The following OXNAD1 variants were observed in gnomAD, a reference collection of about 807,000 sequenced individuals.
OXNAD1 encodes oxidoreductase NAD binding domain containing 1.
Under a neutral mutation model 32.9 loss-of-function variants are expected in OXNAD1, and 34 were observed. The ratio of observed to expected loss-of-function variants is 1.03; its 90% CI spans 0.79 to 1.38. The LOEUF is 1.38. Among genes scored for constraint, OXNAD1 ranks in the 40% most tolerant of loss-of-function variants. OXNAD1 has a pLI of 0.00. For missense variants in OXNAD1, 407 were observed against 379.4 expected, an observed-to-expected ratio of 1.07 and a Z score of -0.60; for synonymous variants, 134 against 135.2, an observed-to-expected ratio of 0.99 and a Z score of 0.06.
chr3:16,305,811 C>T lies in OXNAD1; in HGVS notation c.*2249C>T, dbSNP rs1202356716. The stretch of plus-strand genomic sequence containing the variant: ...GATGATACTGCTGCCTACCTACCTA[C>T]ATGATAGGGCTGTTACGGGGATTGA... On this transcript the variant is annotated 3_prime_UTR_variant, in exon 9 of 9. Transcript: ENST00000285083. The surrounding 1 kb of genome is among the most constrained non-coding windows in gnomAD (Gnocchi z 4.5). The T allele has an allele frequency of 1.3e-5, 2 of 152,232 alleles. No homozygotes were observed. Among genetic ancestry groups the T allele is most frequent in the Non-Finnish European group, 2.9e-5 (2 of 68,038 alleles). 9.4% of individuals were successfully genotyped at this position (152,232 alleles called of 1,614,324 possible).
At chr3:16,300,013 G>T (rs2067066445) in intron 6 of OXNAD1, among the ~76,000 whole-genome samples, 1 of 152,154 alleles carries the variant, frequency 6.6e-6, no homozygotes, top group South Asian at 2.1e-4. Context: ...CATTTTCCAG[G>T]GGTGGCAGAT....
At position 16,317,093 on chromosome 3, in the gene OXNAD1, A is replaced by G. The variant is rs1276137723; in HGVS notation, c.*30+13501A>G. On this transcript the variant is annotated intron_variant, in intron 9 of 9. Transcript: ENST00000435829. The surrounding 1 kb of genome is among the most constrained non-coding windows in gnomAD (Gnocchi z 4.3). Reference sequence around the variant, plus strand: ...CTGCTGTCCTGAAACACAGTTTCCCATGTCTCCAGCTTTGGAAGACTGGTC... The same window carrying G: ...CTGCTGTCCTGAAACACAGTTTCCCGTGTCTCCAGCTTTGGAAGACTGGTC... 1.9e-6 allele frequency: 3 copies of G among 1,613,744 alleles called. No individual in the cohort carries two copies. In the African/African-American group the frequency reaches 4.0e-5, roughly 22 times the overall value.
downstream of OXNAD1, among the ~76,000 whole-genome samples, chr3:16,338,793 A>G (rs1312844821): frequency 6.6e-6 from 1 of 152,194 alleles, no homozygotes; most frequent in Non-Finnish European, 1.5e-5. This position sits in a 1 kb window ranked among gnomAD's most constrained non-coding sequence, Gnocchi z 5.3. Context: ...AAGGGATTGA[A>G]AAAAGGAGCT....
At chr3:16,307,719 G>C (rs796678471), downstream of OXNAD1, among the ~76,000 whole-genome samples, 64 of 134,496 alleles carry the variant, frequency 4.8e-4, no homozygotes, top group African/African-American at 1.9e-3. Context: ...TTCTCATTGG[G>C]TTGTTTTATT....
At chr3:16,340,740 C>T (rs2071262577), downstream of OXNAD1, among the ~76,000 whole-genome samples, 2 of 152,208 alleles carry the variant, frequency 1.3e-5, no homozygotes, top group Admixed American at 6.5e-5. Context: ...CCCTACCCCT[C>T]ACCTTCTTGT....
chr3:16,270,155 G>A (rs909780474), intron 2 of OXNAD1, among the ~76,000 whole-genome samples: 1 of 152,176 alleles, frequency 6.6e-6, no homozygotes, highest in African/African-American at 2.4e-5. Context: ...CATGCAATCC[G>A]CACCCAGATT....
chr3:16,268,313 C>CTTTTTTTTTTTTTTTTTTTTTTTTTTT (rs531751365), intron 1 of OXNAD1, among the ~76,000 whole-genome samples: 1 of 61,004 alleles, frequency 1.6e-5, no homozygotes. Context: ...AAGAGAACTC[C>CTTTTTTTTTTTTTTTTTTTTTTTTTTT]TTTTTTTTTT....
At chr3:16,332,282 CCA>C (rs2070394354) in intron 9 of OXNAD1, among the ~76,000 whole-genome samples, 1 of 152,028 alleles carries the variant, frequency 6.6e-6, no homozygotes, top group African/African-American at 2.4e-5. Context: ...TTACCTTCCC[CCA>C]CAGTTTTCTT....
rs1474736887 is a variant in OXNAD1, at chr3:16,327,662, G to A, written c.*31-9450G>A. Among the ~76,000 whole-genome samples the A allele has an allele frequency of 1.3e-5, 2 of 152,106 alleles. No homozygotes were observed. Among genetic ancestry groups the A allele is most frequent in the African/African-American group, 4.8e-5 (2 of 41,416 alleles). On this transcript the variant is annotated intron_variant, in intron 9 of 9. Coordinates refer to the OXNAD1 transcript ENST00000435829. The surrounding 1 kb of genome is among the most constrained non-coding windows in gnomAD (Gnocchi z 4.2). ...TGTAGTCCCAGCTACTCGGGAGGCT[G>A]AGGCAGGAGAATGGCGTGAACCCGG...
rs1375932990 is a variant in OXNAD1 at position 16,277,423 on chromosome 3, A to T, written c.183+5701A>T. Among the ~76,000 whole-genome samples the T allele has an allele frequency of 1.3e-5, 2 of 152,166 alleles. No individual in the cohort carries two copies. Among genetic ancestry groups the T allele is most frequent in the South Asian group, 2.1e-4 (1 of 4,826 alleles). ...CCCTGGACTCGTTGAAATGAATGGC[A>T]CCTCAGGTTTGGCCATAACAGAACT... On this transcript the variant is annotated intron_variant, in intron 4 of 8. Transcript: ENST00000285083. The surrounding 1 kb of genome is among the most constrained non-coding windows in gnomAD (Gnocchi z 4.3).
Position 16,329,277 on chromosome 3 carries a change from T to C in OXNAD1, c.*31-7835T>C, listed in dbSNP as rs1006002050. 2.0e-5 allele frequency among the ~76,000 whole-genome samples: 3 copies of C among 152,090 alleles called. No homozygotes were observed. Among genetic ancestry groups the C allele is most frequent in the African/African-American group, 7.2e-5 (3 of 41,400 alleles). On this transcript the variant is annotated intron_variant, in intron 9 of 9. Coordinates refer to the OXNAD1 transcript ENST00000435829. The surrounding 1 kb of genome is among the most constrained non-coding windows in gnomAD (Gnocchi z 4.5). Reference sequence around the variant, plus strand: ...GGAGCCAAGAACTGTCTGTCCTTTATAAATTGCCTGATCTCAGGTATCCTG... The same window carrying C: ...GGAGCCAAGAACTGTCTGTCCTTTACAAATTGCCTGATCTCAGGTATCCTG...
rs191362204 is a variant in OXNAD1, at chr3:16,295,444, T to C, written c.432+447T>C. The stretch of plus-strand genomic sequence containing the variant: ...AGCACAGCTAAATCCACGGTGCCAT[T>C]GCCTCTCTATTTCAGTGTCTGGAAA... On this transcript the variant is annotated intron_variant, in intron 6 of 8. Transcript: ENST00000285083. Among the ~76,000 whole-genome samples, 117 of 152,288 alleles carry C rather than the reference T, an allele frequency of 7.7e-4. 2 individuals carry two copies. The East Asian group carries it at 0.015, about 19-fold the overall frequency.
rs1389807411 is a variant in OXNAD1, at chr3:16,304,914, A to T, written c.*1352A>T. ...TTCTGCCCAGTTTTGAGTTTTGTCA[A>T]GTTTTAAGCAGAGATCATTTGTCAA... is the stretch of plus-strand genomic sequence containing the variant. On this transcript the variant is annotated 3_prime_UTR_variant, in exon 9 of 9. Coordinates refer to ENST00000285083, the MANE Select transcript of OXNAD1 (RefSeq NM_138381.5). This position sits in a 1 kb window ranked among gnomAD's most constrained non-coding sequence, Gnocchi z 4.6. 2.0e-5 allele frequency: 3 copies of T among 152,274 alleles called. No homozygotes were observed. Among genetic ancestry groups the T allele is most frequent in the African/African-American group, 7.2e-5 (3 of 41,468 alleles). The allele number at this position is 152,274 out of a possible 1,614,324, so 9.4% of individuals were successfully genotyped here.
rs954618769 is a variant in OXNAD1 at position 16,320,993 on chromosome 3, C to T, written c.*31-16119C>T. 3.9e-5 allele frequency among the ~76,000 whole-genome samples: 6 copies of T among 152,044 alleles called. No homozygotes were observed. Among genetic ancestry groups the T allele is most frequent in the East Asian group, 1.9e-4 (1 of 5,194 alleles). On this transcript the variant is annotated intron_variant, in intron 9 of 9. Coordinates refer to the OXNAD1 transcript ENST00000435829. This position sits in a 1 kb window ranked among gnomAD's most constrained non-coding sequence, Gnocchi z 4.5. ...TATTAGGAGATTAGAATAGCTGAGG[C>T]GAGTGATGGTAGAGAGAAGTGGAGG...
rs1194264468 is a variant in OXNAD1 at position 16,303,403 on chromosome 3, G to C, written c.785-5G>C. 1.9e-6 allele frequency: 3 copies of C among 1,612,802 alleles called. No homozygotes were observed. The highest frequency in any genetic ancestry group is 2.5e-6 in the Non-Finnish European group (3 of 1,179,462). On this transcript the variant is annotated splice_region_variant and splice_polypyrimidine_tract_variant and intron_variant, in intron 8 of 8. Transcript: ENST00000285083. This position sits in a 1 kb window ranked among gnomAD's most constrained non-coding sequence, Gnocchi z 4.8. ...TAATTTGGTGTTTATTCTGGTTTTT[G>C]GTAGAAGGAAGAATAACGGAGAAGG...
At position 16,280,055 on chromosome 3, in the gene OXNAD1, T is replaced by C. The variant is rs2065633583; in HGVS notation, c.184-6287T>C. 1.3e-5 allele frequency among the ~76,000 whole-genome samples: 2 copies of C among 152,180 alleles called. No individual in the cohort carries two copies. The highest frequency in any genetic ancestry group is 4.8e-5 in the African/African-American group (2 of 41,452). ...GACCTCAGTTTTCTCATATGTAAAA[T>C]GGGGATATAATAATATTGGCTTTCT... On this transcript the variant is annotated intron_variant, in intron 4 of 8. Coordinates refer to ENST00000285083, the MANE Select transcript of OXNAD1 (RefSeq NM_138381.5). This position sits in a 1 kb window ranked among gnomAD's most constrained non-coding sequence, Gnocchi z 4.5.
At chr3:16,272,184 A>T (rs769307924) in intron 4 of OXNAD1, 44 of 453,330 alleles carry the variant, frequency 9.7e-5, no homozygotes, top group Admixed American at 9.3e-4. Flanking sequence ...CTAACATCTG[A>T]GAAAGGAAAG....
In OXNAD1 at chr3:16,288,223, G is replaced by C. The variant is rs1229526980; in HGVS notation, c.290+1775G>C. On this transcript the variant is annotated intron_variant, in intron 5 of 8. Transcript: ENST00000285083. This position sits in a 1 kb window ranked among gnomAD's most constrained non-coding sequence, Gnocchi z 5.1. Reference sequence around the variant, plus strand: ...TCAGACCATCAGCTTGGTAGTAACAGCCATGTGGTACTTTGGAGAAGAGGG... The same window carrying C: ...TCAGACCATCAGCTTGGTAGTAACACCCATGTGGTACTTTGGAGAAGAGGG... Among the ~76,000 whole-genome samples, 1 of 152,168 alleles carries C rather than the reference G, an allele frequency of 6.6e-6. No homozygotes were observed. Among genetic ancestry groups the C allele is most frequent in the Admixed American group, 6.6e-5 (1 of 15,262 alleles).
chr3:16,350,472 G>A (rs2072022227), downstream of OXNAD1, among the ~76,000 whole-genome samples: 1 of 150,428 alleles, frequency 6.6e-6, no homozygotes, highest in Admixed American at 6.6e-5. Context: ...TTTTAAATGA[G>A]CTCAAGCTGA....
Sources: gnomAD v4.1 joint callset for allele counts (sites outside exome capture counted in the v4.1 genomes callset) on GRCh38, gnomAD v4.1.1 for gene constraint, Gnocchi (gnomAD v3.1) non-coding constraint, MANE v1.5 for transcripts, NCBI Gene and HGNC (gene_info 2026-07-23, HGNC 2026-07-21) for gene names.